CACNA2D3: variants seen among roughly 807,000 people sequenced by gnomAD.
CACNA2D3 encodes the protein calcium voltage-gated channel auxiliary subunit alpha2delta 3, also known as voltage-dependent calcium channel subunit alpha-2/delta-3.
A neutral mutation model predicts 160.6 loss-of-function variants in CACNA2D3; 60 were observed. The ratio of observed to expected loss-of-function variants is 0.37; its 90% CI spans 0.30 to 0.46. CACNA2D3 has a LOEUF of 0.46. Among genes scored for constraint, CACNA2D3 ranks in the 20% least tolerant of loss-of-function variants. CACNA2D3 has a pLI of 1.00. For synonymous variants in CACNA2D3, 558 were observed against 492.9 expected, an observed-to-expected ratio of 1.13 and a Z score of -1.75; for missense variants, 1,205 against 1,365.0, an observed-to-expected ratio of 0.88 and a Z score of 1.85.
chr3:54,867,279 G>T (rs1447387689), intron 17 of CACNA2D3, among the ~76,000 whole-genome samples: 4 of 152,122 alleles, frequency 2.6e-5, no homozygotes, highest in African/African-American at 7.2e-5. Flanking sequence ...ACTCATGGGG[G>T]TGAGGGGCGA....
intron 30 of CACNA2D3, among the ~76,000 whole-genome samples, chr3:54,986,872 G>A (rs1002396825): frequency 6.6e-6 from 1 of 152,146 alleles, no homozygotes; most frequent in African/African-American, 2.4e-5. Context: ...CACTGCGTAC[G>A]CCCTCCCCCA....
intron 21 of CACNA2D3, among the ~76,000 whole-genome samples, chr3:54,883,829 T>TCTCCCTCC (rs1553904222): frequency 2.1e-5 from 3 of 145,704 alleles, no homozygotes; most frequent in South Asian, 2.2e-4. Context: ...CTCTCCTCTC[T>TCTCCCTCC]CTCCCTTCAA....
intron 5 of CACNA2D3, among the ~76,000 whole-genome samples, chr3:54,508,160 T>C (rs1404961613): frequency 6.6e-6 from 1 of 152,100 alleles, no homozygotes; most frequent in Non-Finnish European, 1.5e-5. Context: ...AACTGCTCCT[T>C]TGTGGAAGTC....
At chr3:54,628,915 G>A (rs1043191237) in intron 10 of CACNA2D3, among the ~76,000 whole-genome samples, 1 of 152,106 alleles carries the variant, frequency 6.6e-6, no homozygotes, top group Non-Finnish European at 1.5e-5. Context: ...ACTATGGAGG[G>A]AAGGACCTGT....
chr3:54,246,514 G>A (rs776150570), intron 2 of CACNA2D3, among the ~76,000 whole-genome samples: 4 of 152,094 alleles, frequency 2.6e-5, no homozygotes, highest in Admixed American at 6.5e-5. Context: ...CCAACTTGGC[G>A]AAACTCCATC....
intron 27 of CACNA2D3, among the ~76,000 whole-genome samples, chr3:54,919,841 C>T (rs1196089860): frequency 1.3e-5 from 2 of 152,218 alleles, no homozygotes; most frequent in Admixed American, 6.5e-5. Context: ...ACAGAGGTCA[C>T]GAGTGGATGA....
intron 2 of CACNA2D3, among the ~76,000 whole-genome samples, chr3:54,310,279 TTGGATG>T (rs1703706561): frequency 6.6e-6 from 1 of 152,186 alleles, no homozygotes; most frequent in Non-Finnish European, 1.5e-5. Context: ...TTTAAAGGAT[TTGGATG>T]TGTATTTACT....
At chr3:54,447,313 G>GA (rs1700239157) in intron 4 of CACNA2D3, among the ~76,000 whole-genome samples, 1 of 152,116 alleles carries the variant, frequency 6.6e-6, no homozygotes, top group South Asian at 2.1e-4. Flanking sequence ...TGTATGAAAA[G>GA]AAAAAAGAAG....
In CACNA2D3 at chr3:54,886,935, C is replaced by CTT. The variant is rs60899252; in HGVS notation, c.2057-1011_2057-1010dup. ...CTAGCTTTCGCTTTTCAGCAAAGCTCTTTTTTTTTTTTTTGCCCCCAGTCA... is the reference window on the plus strand; with the variant it reads ...CTAGCTTTCGCTTTTCAGCAAAGCTCTTTTTTTTTTTTTTTTGCCCCCAGTCA... On this transcript the variant is annotated intron_variant, in intron 23 of 37. Transcript: ENST00000474759. Among the ~76,000 whole-genome samples the CTT allele has an allele frequency of 2.1e-4, 23 of 107,746 alleles. 2 individuals are homozygous for CTT. Among genetic ancestry groups the CTT allele is most frequent in the South Asian group, 3.1e-4 (1 of 3,258 alleles). The allele number at this position is 107,746 out of a possible 152,430, so 70.7% of individuals were successfully genotyped here.
intron 11 of CACNA2D3, among the ~76,000 whole-genome samples, chr3:54,728,272 T>C (rs1701315201): frequency 6.6e-6 from 1 of 152,178 alleles, no homozygotes; most frequent in Admixed American, 6.5e-5. Context: ...CTTTGTTGTC[T>C]AGTTTTTTCT....
At chr3:54,332,914 TA>T (rs1480856112) in intron 3 of CACNA2D3, among the ~76,000 whole-genome samples, 1 of 152,108 alleles carries the variant, frequency 6.6e-6, no homozygotes, top group African/African-American at 2.4e-5. Context: ...TATGTGCTAT[TA>T]GGGGAGACAG....
At chr3:54,428,162 A>G (rs1442225420) in intron 4 of CACNA2D3, among the ~76,000 whole-genome samples, 2 of 152,208 alleles carry the variant, frequency 1.3e-5, no homozygotes, top group Non-Finnish European at 2.9e-5. Context: ...TTCTTCTTCC[A>G]CTTGAATTAA....
intron 11 of CACNA2D3, among the ~76,000 whole-genome samples, chr3:54,645,648 C>A (rs1276225444): frequency 3.9e-5 from 6 of 152,182 alleles, no homozygotes; most frequent in African/African-American, 1.4e-4. Context: ...TGTTCCCCAG[C>A]CTCCGGGGAT....
intron 34 of CACNA2D3, among the ~76,000 whole-genome samples, chr3:55,010,422 G>A (rs2107146193): frequency 1.3e-5 from 2 of 152,266 alleles, no homozygotes; most frequent in South Asian, 4.2e-4. Flanking sequence ...AAAAGAAAGA[G>A]TATCCGTAAT....
At chr3:54,526,839 C>T (rs114391568) in intron 5 of CACNA2D3, among the ~76,000 whole-genome samples, 1,874 of 152,208 alleles carry the variant, frequency 0.012, 36 homozygotes, top group African/African-American at 0.042. Context: ...TACAAGTACC[C>T]GTCACCACGC....
In CACNA2D3 at chr3:54,732,531, C is replaced by A. The variant is rs919417878; in HGVS notation, c.1168-20068C>A. ...GATTTTGGAGACATTTAAATAAAATCTCTTCGTGTCTGGAATTTGGGGATA... is the reference window on the plus strand; with the variant it reads ...GATTTTGGAGACATTTAAATAAAATATCTTCGTGTCTGGAATTTGGGGATA... On this transcript the variant is annotated intron_variant, in intron 11 of 37. Transcript: ENST00000474759. Among the ~76,000 whole-genome samples the A allele has an allele frequency of 3.3e-5, 5 of 152,314 alleles. No individual in the cohort carries two copies. In the East Asian group the frequency reaches 9.7e-4, roughly 29 times the overall value.
At position 54,918,836 on chromosome 3, in the gene CACNA2D3, G is replaced by A. The variant is rs151248727; in HGVS notation, c.2449+18968G>A. The A allele has an allele frequency of 3.1e-6, 5 of 1,588,446 alleles. No individual in the cohort carries two copies. In the Admixed American group the frequency reaches 8.7e-5, roughly 28 times the overall value. On this transcript the variant is annotated intron_variant, in intron 27 of 37. Coordinates refer to ENST00000474759, the MANE Select transcript of CACNA2D3 (RefSeq NM_018398.3). ...TACAGCTCATGAGGGATCCTAAGGA[G>A]GTCCTTTCCCTTCCAGGTGTCTGGT...
intron 27 of CACNA2D3, among the ~76,000 whole-genome samples, chr3:54,950,772 C>T (rs1351629428): frequency 6.6e-6 from 1 of 152,118 alleles, no homozygotes; most frequent in Non-Finnish European, 1.5e-5. Flanking sequence ...ATATCTTGCA[C>T]CTTGATCGGG....
intron 11 of CACNA2D3, among the ~76,000 whole-genome samples, chr3:54,733,936 C>A (rs113407772): frequency 1.2e-4 from 18 of 151,486 alleles, no homozygotes; most frequent in African/African-American, 3.6e-4. Flanking sequence ...ACAAAGAACT[C>A]GATTTTTATT....
Sources: allele counts gnomAD v4.1 joint callset (sites outside exome capture counted in the v4.1 genomes callset), GRCh38; gene constraint gnomAD v4.1.1; transcripts MANE v1.5; gene names NCBI Gene and HGNC (gene_info 2026-07-23, HGNC 2026-07-21).